Variants in CYRIB observed in about 807,000 individuals in gnomAD.
CYRIB encodes CYFIP-related Rac1 interactor B.
Under a neutral mutation model 44.2 loss-of-function variants are expected in CYRIB, and 8 were observed. That is an observed-to-expected ratio of 0.18 (90% confidence interval 0.11 to 0.33). The LOEUF (loss-of-function observed/expected upper bound fraction) is 0.33. CYRIB is among the 10% of genes least tolerant of loss of function. The pLI, the probability that CYRIB is intolerant of heterozygous loss-of-function variation, is 1.00. For missense variants in CYRIB, 185 were observed against 382.8 expected, an observed-to-expected ratio of 0.48 and a Z score of 4.31; for synonymous variants, 131 against 127.2, an observed-to-expected ratio of 1.03 and a Z score of -0.20.
chr8:129,923,891 C>A, intron 1 of CYRIB, among the ~76,000 whole-genome samples: 1 of 148,064 alleles, frequency 6.8e-6, no homozygotes, highest in African/African-American at 2.5e-5. Flanking sequence ...ATGCATTCTG[C>A]TATAGATGAT....
intron 1 of CYRIB, among the ~76,000 whole-genome samples, chr8:130,006,028 C>T (rs535460376): frequency 6.6e-6 from 1 of 152,034 alleles, no homozygotes. Flanking sequence ...CCAGGCTGGG[C>T]GCGGTAGCTC....
intron 1 of CYRIB, among the ~76,000 whole-genome samples, chr8:130,011,523 A>G (rs1407498542): frequency 1.3e-5 from 2 of 151,684 alleles, no homozygotes; most frequent in African/African-American, 4.8e-5. Flanking sequence ...TCCATCTCAA[A>G]AAATAAAAAT....
intron 1 of CYRIB, among the ~76,000 whole-genome samples, chr8:129,936,151 A>G (rs1304528433): frequency 6.6e-6 from 1 of 152,250 alleles, no homozygotes; most frequent in African/African-American, 2.4e-5. Context: ...AATACTTAAT[A>G]TAAAATATAA....
intron 1 of CYRIB, among the ~76,000 whole-genome samples, chr8:129,914,607 T>C (rs1316114472): frequency 6.6e-6 from 1 of 152,192 alleles, no homozygotes; most frequent in African/African-American, 2.4e-5. Flanking sequence ...CTTGAAAAGA[T>C]TTTTACAAAT....
At chr8:130,001,177 C>T (rs745512590) in intron 1 of CYRIB, among the ~76,000 whole-genome samples, 2 of 152,138 alleles carry the variant, frequency 1.3e-5, no homozygotes, top group African/African-American at 2.4e-5. Context: ...CTGTCTGCTC[C>T]GTATGGGCTT....
At chr8:129,905,533 G>A (rs2074865635) in intron 1 of CYRIB, among the ~76,000 whole-genome samples, 1 of 152,180 alleles carries the variant, frequency 6.6e-6, no homozygotes. Flanking sequence ...ACAAATGGGA[G>A]TCACGTTCAA....
intron 1 of CYRIB, among the ~76,000 whole-genome samples, chr8:130,010,150 G>C (rs1292647672): frequency 6.6e-6 from 1 of 152,226 alleles, no homozygotes; most frequent in African/African-American, 2.4e-5. Context: ...CATGGTTTAT[G>C]TTGATTTCAA....
intron 2 of CYRIB, among the ~76,000 whole-genome samples, chr8:129,901,945 TTTG>T (rs1375525103): frequency 2.0e-5 from 3 of 152,232 alleles, no homozygotes; most frequent in African/African-American, 7.2e-5. Flanking sequence ...GTATTTAGTA[TTTG>T]TTAATGGCTT....
At chr8:129,946,146 C>T (rs1020807234) in intron 2 of CYRIB, among the ~76,000 whole-genome samples, 2 of 152,196 alleles carry the variant, frequency 1.3e-5, no homozygotes, top group African/African-American at 4.8e-5. Context: ...CTGACCTCAG[C>T]GTAAGCTCCC....
chr8:129,914,313 G>A (rs2079616193), intron 1 of CYRIB, among the ~76,000 whole-genome samples: 1 of 152,210 alleles, frequency 6.6e-6, no homozygotes, highest in African/African-American at 2.4e-5. Context: ...CCAACAGGGA[G>A]ACTAAATATG....
chr8:129,974,923 C>T (rs956688447), intron 1 of CYRIB, among the ~76,000 whole-genome samples: 1 of 150,354 alleles, frequency 6.7e-6, no homozygotes, highest in Non-Finnish European at 1.5e-5. Flanking sequence ...CTCGTTCTGT[C>T]ACCCAGGCTG....
At chr8:129,854,831 G>A (rs1180519591) in intron 6 of CYRIB, among the ~76,000 whole-genome samples, 2 of 152,134 alleles carry the variant, frequency 1.3e-5, no homozygotes, top group Non-Finnish European at 1.5e-5. Context: ...CTCATGACTA[G>A]GGTTACTGTG....
At chr8:130,013,952 G>C (rs1385040236) in intron 1 of CYRIB, among the ~76,000 whole-genome samples, 3 of 152,182 alleles carry the variant, frequency 2.0e-5, no homozygotes, top group Non-Finnish European at 4.4e-5. Context: ...GCCAGAGGAA[G>C]CACAAAGACC....
chr8:129,844,042 T>C (rs924027545), intron 11 of CYRIB: 3 of 152,238 alleles, frequency 2.0e-5, no homozygotes, highest in Non-Finnish European at 2.9e-5. Context: ...GTTCTCTTTA[T>C]GTAGATAAAG....
intron 2 of CYRIB, among the ~76,000 whole-genome samples, chr8:129,897,339 T>C (rs1434193337): frequency 6.6e-6 from 1 of 152,112 alleles, no homozygotes; most frequent in African/African-American, 2.4e-5. Flanking sequence ...AATTAAGACA[T>C]GAATTCTACC....
At chr8:129,912,008 A>C (rs2078291615) in intron 1 of CYRIB, among the ~76,000 whole-genome samples, 1 of 152,198 alleles carries the variant, frequency 6.6e-6, no homozygotes, top group South Asian at 2.1e-4. Flanking sequence ...GAAAACAAGT[A>C]AGTACCTTAT....
At chr8:129,917,805 C>T (rs917280187) in intron 1 of CYRIB, among the ~76,000 whole-genome samples, 1 of 152,000 alleles carries the variant, frequency 6.6e-6, no homozygotes, top group East Asian at 1.9e-4. Context: ...TGCAGTGAGC[C>T]GAGATCGCAC....
chr8:129,915,291 A>G (rs945677570), intron 1 of CYRIB, among the ~76,000 whole-genome samples: 6 of 152,218 alleles, frequency 3.9e-5, no homozygotes, highest in African/African-American at 1.4e-4. Flanking sequence ...ATATGCTAGA[A>G]TACTATTCAG....
chr8:129,969,877 C>T (rs549817776), intron 2 of CYRIB, among the ~76,000 whole-genome samples: 14 of 152,302 alleles, frequency 9.2e-5, no homozygotes, highest in African/African-American at 3.4e-4. Flanking sequence ...AAGAGAGACG[C>T]CCATTGGGTG....
Sources: gnomAD v4.1 joint callset for allele counts (sites outside exome capture counted in the v4.1 genomes callset) on GRCh38, gnomAD v4.1.1 for gene constraint, MANE v1.5 for transcripts, NCBI Gene and HGNC (gene_info 2026-07-23, HGNC 2026-07-21) for gene names.